Variants in TAFA2 observed in about 807,000 individuals in gnomAD.
The protein encoded by TAFA2 is TAFA chemokine like family member 2.
A neutral mutation model predicts 18.8 loss-of-function variants in TAFA2; 7 were observed. The ratio of observed to expected loss-of-function variants is 0.37; its 90% CI spans 0.21 to 0.70. The LOEUF is 0.70. TAFA2 is among the 30% of genes least tolerant of loss of function. TAFA2 has a pLI of 0.53. For synonymous variants in TAFA2, 60 were observed against 54.2 expected, an observed-to-expected ratio of 1.11 and a Z score of -0.47; for missense variants, 122 against 158.1, an observed-to-expected ratio of 0.77 and a Z score of 1.23.
intron 4 of TAFA2, among the ~76,000 whole-genome samples, chr12:61,741,079 T>C (rs987346853): frequency 5.9e-5 from 9 of 152,224 alleles, no homozygotes; most frequent in African/African-American, 2.2e-4. Flanking sequence ...CTAATATACA[T>C]TACTTCAAAA....
chr12:62,115,510 G>A (rs1047511781), intron 1 of TAFA2, among the ~76,000 whole-genome samples: 3 of 152,120 alleles, frequency 2.0e-5, no homozygotes, highest in Non-Finnish European at 4.4e-5. Flanking sequence ...AGAGTGTCAT[G>A]TCCAAATCAC....
intron 1 of TAFA2, among the ~76,000 whole-genome samples, chr12:62,111,679 G>A (rs1021486799): frequency 1.3e-5 from 2 of 152,064 alleles, no homozygotes; most frequent in Non-Finnish European, 2.9e-5. Context: ...TCCTGTATTG[G>A]GTACATATAT....
intron 1 of TAFA2, among the ~76,000 whole-genome samples, chr12:61,915,848 C>T (rs183098006): frequency 3.3e-5 from 5 of 152,296 alleles, no homozygotes; most frequent in African/African-American, 9.6e-5. Context: ...CATTGGTGAG[C>T]ATGAGTCTGC....
chr12:62,050,606 C>T (rs1337084318), intron 1 of TAFA2, among the ~76,000 whole-genome samples: 1 of 151,964 alleles, frequency 6.6e-6, no homozygotes, highest in African/African-American at 2.4e-5. Context: ...CTTTACACAG[C>T]TCCATATTCC....
At chr12:61,902,669 C>T (rs949459044) in intron 1 of TAFA2, among the ~76,000 whole-genome samples, 6 of 152,264 alleles carry the variant, frequency 3.9e-5, no homozygotes, top group African/African-American at 1.4e-4. Context: ...CAGATGATCT[C>T]ATGTCTTTAA....
chr12:61,966,935 C>A (rs1323738131), intron 1 of TAFA2, among the ~76,000 whole-genome samples: 2 of 151,842 alleles, frequency 1.3e-5, no homozygotes, highest in Admixed American at 1.3e-4. Flanking sequence ...TTTCTATATG[C>A]ATCTTTTCCT....
chr12:62,240,073 ATATT>A (rs1331818395), intron 1 of TAFA2, among the ~76,000 whole-genome samples: 6 of 150,964 alleles, frequency 4.0e-5, no homozygotes, highest in African/African-American at 1.5e-4. Flanking sequence ...ATAATTATAT[ATATT>A]TATCGTACAT....
intron 4 of TAFA2, among the ~76,000 whole-genome samples, chr12:61,721,906 G>A (rs1366911536): frequency 7.2e-6 from 1 of 139,336 alleles, no homozygotes; most frequent in Non-Finnish European, 1.6e-5. Flanking sequence ...AGTGAGCCAA[G>A]ATCATGCCAT....
chr12:61,749,283 G>GA (rs1456499709), intron 4 of TAFA2, among the ~76,000 whole-genome samples: 1 of 151,770 alleles, frequency 6.6e-6, no homozygotes, highest in Non-Finnish European at 1.5e-5. Context: ...AAAAAAAGGA[G>GA]AAAAAAAGAA....
chr12:61,773,293 A>C (rs759409481), intron 2 of TAFA2, among the ~76,000 whole-genome samples: 2 of 152,022 alleles, frequency 1.3e-5, no homozygotes, highest in Non-Finnish European at 2.9e-5. Flanking sequence ...AATGCAATTC[A>C]CAAATTCAAT....
In TAFA2 at chr12:61,815,997, G is replaced by A. The variant is rs1369418849; in HGVS notation, c.106+51323C>T. Among the ~76,000 whole-genome samples the A allele has an allele frequency of 2.6e-5, 4 of 151,412 alleles. No individual in the cohort carries two copies. In the East Asian group the frequency reaches 7.7e-4, roughly 29 times the overall value. On this transcript the variant is annotated intron_variant, in intron 2 of 4. Coordinates refer to ENST00000416284, the MANE Select transcript of TAFA2 (RefSeq NM_178539.5). Reference sequence around the variant, plus strand: ...ATAGGGAAAATAAAAAAAAGATGGTGTGGGTCTCAGAGCTATTTTATTAAT... The same window carrying A: ...ATAGGGAAAATAAAAAAAAGATGGTATGGGTCTCAGAGCTATTTTATTAAT...
intron 4 of TAFA2, among the ~76,000 whole-genome samples, chr12:61,715,912 C>CTAAAAAAAAAAATTG: frequency 6.6e-6 from 1 of 150,658 alleles, no homozygotes; most frequent in South Asian, 2.1e-4. Context: ...ATGAGACTGT[C>CTAAAAAAAAAAATTG]TAAAAAAAAA....
chr12:61,725,498 A>G (rs917292300), intron 4 of TAFA2, among the ~76,000 whole-genome samples: 3 of 152,040 alleles, frequency 2.0e-5, no homozygotes, highest in African/African-American at 7.2e-5. Context: ...ATTCTTCTGC[A>G]TGTGGCTTGC....
chr12:62,204,987 G>A (rs1422087030), intron 1 of TAFA2, among the ~76,000 whole-genome samples: 1 of 152,220 alleles, frequency 6.6e-6, no homozygotes, highest in Admixed American at 6.5e-5. Context: ...CTTTGAGACT[G>A]CTCACCTTTG....
chr12:61,840,308 C>T (rs1265322509), intron 2 of TAFA2, among the ~76,000 whole-genome samples: 2 of 151,874 alleles, frequency 1.3e-5, no homozygotes, highest in African/African-American at 2.4e-5. Flanking sequence ...TTCACTGTGC[C>T]TGGATATTTA....
intron 1 of TAFA2, among the ~76,000 whole-genome samples, chr12:62,003,803 T>C (rs1295064957): frequency 1.3e-5 from 2 of 152,234 alleles, no homozygotes; most frequent in Non-Finnish European, 2.9e-5. Flanking sequence ...ATAAATATGT[T>C]TACATAATTT....
chr12:61,791,075 G>A (rs951170979), intron 2 of TAFA2, among the ~76,000 whole-genome samples: 1 of 151,598 alleles, frequency 6.6e-6, no homozygotes, highest in Non-Finnish European at 1.5e-5. Flanking sequence ...ACTGATTTTC[G>A]ACAACGGTCC....
chr12:62,089,602 G>T (rs1868622641), intron 1 of TAFA2, among the ~76,000 whole-genome samples: 1 of 151,986 alleles, frequency 6.6e-6, no homozygotes, highest in Non-Finnish European at 1.5e-5. Context: ...AAGGATGGGG[G>T]AGACAGAGAG....
chr12:62,064,312 A>G (rs1882430550), intron 1 of TAFA2, among the ~76,000 whole-genome samples: 1 of 152,122 alleles, frequency 6.6e-6, no homozygotes, highest in Non-Finnish European at 1.5e-5. Flanking sequence ...ATAGTGTATC[A>G]CTGTACATAT....
Sources: gnomAD v4.1 joint callset for allele counts (sites outside exome capture counted in the v4.1 genomes callset) on GRCh38, gnomAD v4.1.1 for gene constraint, MANE v1.5 for transcripts, NCBI Gene and HGNC (gene_info 2026-07-23, HGNC 2026-07-21) for gene names.